ANO4: variants seen among roughly 807,000 people sequenced by gnomAD.
The protein encoded by ANO4 is anoctamin-4.
In ANO4, 69 loss-of-function variants were observed where a neutral mutation model predicts 141.9. The ratio of observed to expected loss-of-function variants is 0.49; its 90% confidence interval spans 0.40 to 0.59. ANO4 has a LOEUF of 0.59. Ranked by LOEUF, ANO4 falls within the 20% of genes least tolerant of loss-of-function variation. The pLI is 0.00. For synonymous variants in ANO4, 350 were observed against 394.3 expected (o/e 0.89, Z 1.33); for missense variants, 894 against 1,162.2 (o/e 0.77, Z 3.36).
At chr12:100,809,144 GC>G (rs2035240496) in intron 1 of ANO4, among the ~76,000 whole-genome samples, 1 of 152,132 alleles carries the variant, frequency 6.6e-6, no homozygotes, top group South Asian at 2.1e-4. Context: ...ACTCTGGGAG[GC>G]CAAGGTGGGT....
intron 1 of ANO4, among the ~76,000 whole-genome samples, chr12:100,720,547 C>T (rs2030818420): frequency 6.6e-6 from 1 of 151,682 alleles, no homozygotes; most frequent in South Asian, 2.1e-4. Flanking sequence ...TTATATAACT[C>T]CTCTCCCCTC....
intron 2 of ANO4, among the ~76,000 whole-genome samples, chr12:100,921,454 T>C (rs2041626830): frequency 6.6e-6 from 1 of 152,210 alleles, no homozygotes; most frequent in African/African-American, 2.4e-5. Flanking sequence ...TATTTTAGCA[T>C]TGGCTTTTTA....
At chr12:100,868,771 A>G (rs1296390948) in intron 1 of ANO4, among the ~76,000 whole-genome samples, 1 of 152,210 alleles carries the variant, frequency 6.6e-6, no homozygotes, top group Non-Finnish European at 1.5e-5. Flanking sequence ...CTGAGACTTC[A>G]GATTTCTTCC....
chr12:100,912,392 C>CAAAAAAAAAAAAAAAAAAAAAA (rs35934592), intron 2 of ANO4, among the ~76,000 whole-genome samples: 2 of 67,350 alleles, frequency 3.0e-5, no homozygotes, highest in Admixed American at 1.8e-4. Flanking sequence ...AGGACTCTGT[C>CAAAAAAAAAAAAAAAAAAAAAA]AAAAAAAAAA....
chr12:101,070,092 C>T (rs1300758945), intron 14 of ANO4, among the ~76,000 whole-genome samples: 1 of 152,040 alleles, frequency 6.6e-6, no homozygotes, highest in East Asian at 1.9e-4. Flanking sequence ...CCACACTACC[C>T]AAAGCAATCT....
chr12:100,938,662 A>G (rs896814411), intron 3 of ANO4, among the ~76,000 whole-genome samples: 5 of 152,170 alleles, frequency 3.3e-5, no homozygotes, highest in Admixed American at 2.6e-4. Flanking sequence ...TAGAACCGTG[A>G]TATACAGCAC....
intron 1 of ANO4, among the ~76,000 whole-genome samples, chr12:100,901,001 T>A (rs1454168800): frequency 6.6e-6 from 1 of 152,220 alleles, no homozygotes; most frequent in Admixed American, 6.5e-5. Flanking sequence ...AATGATGTAA[T>A]CTATATAGGC....
At chr12:100,730,787 T>C (rs1172213951) in intron 1 of ANO4, among the ~76,000 whole-genome samples, 22 of 152,104 alleles carry the variant, frequency 1.4e-4, no homozygotes, top group Admixed American at 1.4e-3. Context: ...AGGGAAAGAG[T>C]TGGCCACATA....
intron 2 of ANO4, among the ~76,000 whole-genome samples, chr12:100,908,726 T>C (rs963046807): frequency 3.3e-5 from 5 of 152,152 alleles, no homozygotes; most frequent in African/African-American, 1.2e-4. Flanking sequence ...AATTTAGTCA[T>C]ATTGAGGCCT....
intron 17 of ANO4, among the ~76,000 whole-genome samples, chr12:101,087,369 T>A (rs1295403170): frequency 1.4e-5 from 2 of 147,802 alleles, no homozygotes; most frequent in Admixed American, 6.7e-5. Context: ...AAAAAAAAAA[T>A]TAATTAGCTG....
At chr12:100,974,075 G>T (rs911915653) in intron 6 of ANO4, among the ~76,000 whole-genome samples, 4 of 152,180 alleles carry the variant, frequency 2.6e-5, no homozygotes, top group East Asian at 3.8e-4. Flanking sequence ...CTGAAATATG[G>T]AAAGTGAGGT....
chr12:100,999,603 C>T (rs974459243), intron 8 of ANO4, among the ~76,000 whole-genome samples: 3 of 152,018 alleles, frequency 2.0e-5, no homozygotes, highest in African/African-American at 7.3e-5. Flanking sequence ...TTGCCTATCA[C>T]AGCTGTACAA....
chr12:100,958,962 G>T (rs1303754818), intron 5 of ANO4, among the ~76,000 whole-genome samples: 1 of 152,146 alleles, frequency 6.6e-6, no homozygotes, highest in South Asian at 2.1e-4. Context: ...TTTAAATAGG[G>T]TGTTGGGTGG....
intron 15 of ANO4, among the ~76,000 whole-genome samples, chr12:101,082,499 A>T (rs1275830311): frequency 6.6e-6 from 1 of 152,218 alleles, no homozygotes; most frequent in Non-Finnish European, 1.5e-5. Flanking sequence ...ATGGCCCAAT[A>T]AATTGAAAGT....
intron 1 of ANO4, chr12:100,842,178 T>A (rs1010634292): frequency 6.6e-6 from 1 of 152,002 alleles, no homozygotes; most frequent in African/African-American, 2.4e-5. Context: ...CTTTGGCATT[T>A]TTCACAGGCT....
At chr12:100,918,334 T>A (rs1337314048) in intron 2 of ANO4, among the ~76,000 whole-genome samples, 1 of 152,142 alleles carries the variant, frequency 6.6e-6, no homozygotes, top group Admixed American at 6.6e-5. Context: ...CTCAAAAAAA[T>A]ATTTTTATTC....
chr12:100,857,829 C>T (rs1191713429), intron 1 of ANO4, among the ~76,000 whole-genome samples: 3 of 152,116 alleles, frequency 2.0e-5, no homozygotes, highest in Non-Finnish European at 4.4e-5. Flanking sequence ...CTACATCACT[C>T]TGAAAGAATT....
chr12:101,085,299 G>T (rs2049440929), intron 16 of ANO4, among the ~76,000 whole-genome samples: 1 of 152,080 alleles, frequency 6.6e-6, no homozygotes, highest in Non-Finnish European at 1.5e-5. Context: ...TGGAGTCTCA[G>T]ATTTGCATTA....
intron 24 of ANO4, among the ~76,000 whole-genome samples, chr12:101,115,588 A>G (rs2050821894): frequency 6.6e-6 from 1 of 152,230 alleles, no homozygotes; most frequent in African/African-American, 2.4e-5. Flanking sequence ...TGTATACAGG[A>G]TGTATCTAAG....
Sources: allele counts gnomAD v4.1 joint callset (sites outside exome capture counted in the v4.1 genomes callset), GRCh38; gene constraint gnomAD v4.1.1; transcripts MANE v1.5; gene names NCBI Gene and HGNC (gene_info 2026-07-23, HGNC 2026-07-21).